Variants in MACROD1 observed in about 807,000 individuals in gnomAD.
MACROD1 encodes the protein ADP-ribose glycohydrolase MACROD1.
Under a neutral mutation model 41.4 loss-of-function variants are expected in MACROD1, and 31 were observed. That is an observed-to-expected ratio of 0.75 (90% confidence interval 0.56 to 1.01). MACROD1 has a LOEUF of 1.01. Among genes scored for constraint, MACROD1 ranks in the 50% least tolerant of loss-of-function variants. The pLI is 0.00. For missense variants in MACROD1, 473 were observed against 460.0 expected, an observed-to-expected ratio of 1.03 and a Z score of -0.26; for synonymous variants, 252 against 203.4, an observed-to-expected ratio of 1.24 and a Z score of -2.03.
intron 3 of MACROD1, among the ~76,000 whole-genome samples, chr11:64,070,103 G>C (rs919237478): frequency 2.0e-5 from 3 of 152,174 alleles, no homozygotes; most frequent in African/African-American, 7.2e-5. Flanking sequence ...GATGGATGCT[G>C]TTATCACTAT....
intron 3 of MACROD1, among the ~76,000 whole-genome samples, chr11:64,042,418 G>C (rs320136): frequency 2.3e-4 from 35 of 152,140 alleles, no homozygotes; most frequent in Non-Finnish European, 3.4e-4. Flanking sequence ...GGAATGGGGG[G>C]GTGTGAAGGA....
Position 64,122,266 on chromosome 11 carries a change from C to T in MACROD1, c.517+28973G>A, listed in dbSNP as rs540643450. On this transcript the variant is annotated intron_variant, in intron 3 of 10. Coordinates refer to ENST00000255681, the MANE Select transcript of MACROD1 (RefSeq NM_014067.4). The surrounding 1 kb of genome is among the most constrained non-coding windows in gnomAD (Gnocchi z 4.0). Reference sequence around the variant, plus strand: ...TCTAAATAGGCTGGGGCTTGCTCCACGCTAACATGGTGCATGCGGCGGCCA... The same window carrying T: ...TCTAAATAGGCTGGGGCTTGCTCCATGCTAACATGGTGCATGCGGCGGCCA... 2.6e-5 allele frequency among the ~76,000 whole-genome samples: 4 copies of T among 152,368 alleles called. No individual in the cohort carries two copies. Among genetic ancestry groups the T allele is most frequent in the South Asian group, 2.1e-4 (1 of 4,832 alleles).
intron 3 of MACROD1, among the ~76,000 whole-genome samples, chr11:64,147,303 C>T (rs2134693762): frequency 6.6e-6 from 1 of 152,150 alleles, no homozygotes. Flanking sequence ...AACTCCTGGG[C>T]TCAAGCAATC....
chr11:64,014,062 C>A (rs1218315989), intron 4 of MACROD1, among the ~76,000 whole-genome samples: 1 of 152,150 alleles, frequency 6.6e-6, no homozygotes, highest in East Asian at 1.9e-4. Flanking sequence ...GGGACAGGGA[C>A]CAGGCCCATC....
intron 3 of MACROD1, chr11:64,117,065 C>A (rs1465971521): frequency 6.2e-7 from 1 of 1,603,176 alleles, no homozygotes; most frequent in South Asian, 1.1e-5. Context: ...CACCCCTCAA[C>A]CTGCCCAGCG....
intron 3 of MACROD1, among the ~76,000 whole-genome samples, chr11:64,128,676 G>A (rs1382038885): frequency 7.1e-6 from 1 of 140,958 alleles, no homozygotes; most frequent in African/African-American, 2.7e-5. Context: ...TGCCCTCCAC[G>A]CCTGACACCC....
intron 3 of MACROD1, among the ~76,000 whole-genome samples, chr11:64,070,570 A>C (rs1246485712): frequency 1.3e-5 from 2 of 152,208 alleles, no homozygotes; most frequent in Non-Finnish European, 2.9e-5. Context: ...GGTGGGATCC[A>C]GCCTCACCCT....
intron 3 of MACROD1, among the ~76,000 whole-genome samples, chr11:64,062,188 T>C (rs565675200): frequency 6.6e-6 from 1 of 152,210 alleles, no homozygotes; most frequent in Non-Finnish European, 1.5e-5. Context: ...CACAGGGGCC[T>C]GGTTCTGCCA....
intron 3 of MACROD1, among the ~76,000 whole-genome samples, chr11:64,091,553 T>A (rs967954814): frequency 6.6e-6 from 1 of 152,078 alleles, no homozygotes; most frequent in African/African-American, 2.4e-5. Flanking sequence ...CAGGGAGAGC[T>A]GGGCCAGTCC....
At chr11:64,131,557 C>G (rs1265566006) in intron 3 of MACROD1, among the ~76,000 whole-genome samples, 2 of 152,152 alleles carry the variant, frequency 1.3e-5, no homozygotes, top group African/African-American at 4.8e-5. Flanking sequence ...GAACTCCCAA[C>G]TTCAATGATC....
intron 1 of MACROD1, among the ~76,000 whole-genome samples, chr11:64,156,105 T>C (rs575079831): frequency 5.8e-5 from 6 of 103,288 alleles, no homozygotes; most frequent in Non-Finnish European, 9.4e-5. Context: ...CAAAACTCCA[T>C]CTCAAAAAAA....
intron 3 of MACROD1, among the ~76,000 whole-genome samples, chr11:64,108,996 A>G (rs937724426): frequency 6.6e-6 from 1 of 152,156 alleles, no homozygotes; most frequent in Non-Finnish European, 1.5e-5. Context: ...AGACGTGACC[A>G]GCATCCATGC....
chr11:64,107,170 C>T (rs553105052), intron 3 of MACROD1, among the ~76,000 whole-genome samples: 1 of 152,222 alleles, frequency 6.6e-6, no homozygotes, highest in Admixed American at 6.5e-5. Context: ...AATGAGCCAA[C>T]TTGCCCAGCC....
At chr11:64,119,427 C>T (rs1200155844) in intron 3 of MACROD1, among the ~76,000 whole-genome samples, 3 of 152,178 alleles carry the variant, frequency 2.0e-5, no homozygotes, top group African/African-American at 7.2e-5. Context: ...CGTCTCCCTC[C>T]CCCACCACGT....
intron 3 of MACROD1, among the ~76,000 whole-genome samples, chr11:64,043,093 GTCCC>G (rs1943519343): frequency 6.6e-6 from 1 of 152,104 alleles, no homozygotes; most frequent in African/African-American, 2.4e-5. Context: ...GACGCCTCAC[GTCCC>G]CTCTCTGTGC....
intron 1 of MACROD1, among the ~76,000 whole-genome samples, chr11:64,163,053 G>A (rs547074896): frequency 1.7e-4 from 26 of 151,966 alleles, no homozygotes; most frequent in Non-Finnish European, 3.8e-4. Flanking sequence ...CCCCGGAGGC[G>A]GAGGTTGCAG....
rs992849067 is a variant in MACROD1, at chr11:64,064,273, C to T, written c.518-48992G>A. Among the ~76,000 whole-genome samples the T allele has an allele frequency of 2.0e-5, 3 of 152,172 alleles. No homozygotes were observed. Among genetic ancestry groups the T allele is most frequent in the Non-Finnish European group, 2.9e-5 (2 of 68,036 alleles). On this transcript the variant is annotated intron_variant, in intron 3 of 10. Coordinates refer to ENST00000255681, the MANE Select transcript of MACROD1 (RefSeq NM_014067.4). This position sits in a 1 kb window ranked among gnomAD's most constrained non-coding sequence, Gnocchi z 4.5. ...GGGACAAAAAGCAACCAAGCCACAC[C>T]GTAGTCTCCACGTGCAGCCCTGTTC...
chr11:64,146,760 C>T lies in MACROD1; in HGVS notation c.517+4479G>A, dbSNP rs540658563. 1.7e-4 allele frequency among the ~76,000 whole-genome samples: 26 copies of T among 151,738 alleles called. No individual in the cohort carries two copies. Among genetic ancestry groups the T allele is most frequent in the African/African-American group, 6.0e-4 (25 of 41,348 alleles). Reference sequence around the variant, plus strand: ...CAAGCACAGACACACACACATCACGCACACACACGCATCACACACATCATA... The same window carrying T: ...CAAGCACAGACACACACACATCACGTACACACACGCATCACACACATCATA... On this transcript the variant is annotated intron_variant, in intron 3 of 10. Coordinates refer to ENST00000255681, the MANE Select transcript of MACROD1 (RefSeq NM_014067.4). This position sits in a 1 kb window ranked among gnomAD's most constrained non-coding sequence, Gnocchi z 4.7.
chr11:64,103,229 CT>C (rs1314724682), intron 3 of MACROD1: 2 of 152,328 alleles, frequency 1.3e-5, no homozygotes, highest in Non-Finnish European at 1.5e-5. Flanking sequence ...AGATGGATTC[CT>C]TTTTGGACAG....
Sources: gnomAD v4.1 joint callset for allele counts (sites outside exome capture counted in the v4.1 genomes callset) on GRCh38, gnomAD v4.1.1 for gene constraint, Gnocchi (gnomAD v3.1) non-coding constraint, MANE v1.5 for transcripts, NCBI Gene and HGNC (gene_info 2026-07-23, HGNC 2026-07-21) for gene names.